The following QTMAN variants were observed in gnomAD, a reference collection of about 807,000 sequenced individuals.
QTMAN encodes the protein queuosine-tRNA mannosyltransferase.
the QTMAN span, chr2:143,941,392 A>G: frequency 6.6e-6 from 1 of 152,190 alleles, no homozygotes; most frequent in Non-Finnish European, 1.5e-5. Flanking sequence ...TAATGGCCAT[A>G]TTCCGGGCAT....
chr2:144,287,941 A>T, the QTMAN span, among the ~76,000 whole-genome samples: 1 of 152,074 alleles, frequency 6.6e-6, no homozygotes, highest in Non-Finnish European at 1.5e-5. Context: ...TGCAACCTCC[A>T]CTTACCGGGT....
the QTMAN span, among the ~76,000 whole-genome samples, chr2:144,188,295 G>C: frequency 6.6e-6 from 1 of 151,666 alleles, no homozygotes; most frequent in Non-Finnish European, 1.5e-5. Flanking sequence ...TTTAATTTAA[G>C]CTTTCACAAC....
the QTMAN span, among the ~76,000 whole-genome samples, chr2:143,961,879 T>G: frequency 6.6e-6 from 1 of 152,132 alleles, no homozygotes; most frequent in East Asian, 1.9e-4. Context: ...TTGTTACCAG[T>G]TACTTGCAGC....
the QTMAN span, among the ~76,000 whole-genome samples, chr2:144,076,453 C>T: frequency 6.6e-6 from 1 of 152,076 alleles, no homozygotes; most frequent in Non-Finnish European, 1.5e-5. Flanking sequence ...AAGCAAATGC[C>T]ACATACCTGG....
the QTMAN span, among the ~76,000 whole-genome samples, chr2:143,986,159 T>G: frequency 1.3e-5 from 2 of 152,168 alleles, no homozygotes; most frequent in African/African-American, 2.4e-5. Flanking sequence ...CAAAACAATC[T>G]CTAACAAAAC....
the QTMAN span, among the ~76,000 whole-genome samples, chr2:144,062,167 A>G: frequency 1.3e-5 from 2 of 152,218 alleles, no homozygotes; most frequent in Non-Finnish European, 2.9e-5. Flanking sequence ...GTTAGGACTA[A>G]AAGAGCACTG....
chr2:144,332,165 C>A, the QTMAN span, among the ~76,000 whole-genome samples: 340 of 64,370 alleles, frequency 5.3e-3, 1 homozygote, highest in Non-Finnish European at 7.1e-3. Flanking sequence ...TTGCAGAAGG[C>A]ACAAAATGCC....
chr2:144,217,715 G>A, the QTMAN span, among the ~76,000 whole-genome samples: 1 of 151,776 alleles, frequency 6.6e-6, no homozygotes, highest in Non-Finnish European at 1.5e-5. Context: ...CTTTTTGATA[G>A]AATAATAGGT....
the QTMAN span, among the ~76,000 whole-genome samples, chr2:143,991,495 G>C: frequency 1.4e-5 from 2 of 140,174 alleles, no homozygotes; most frequent in Admixed American, 7.1e-5. Context: ...GCCTCTGCCC[G>C]GCCACCCCTA....
chr2:143,972,339 A>G, the QTMAN span, among the ~76,000 whole-genome samples: 1 of 152,162 alleles, frequency 6.6e-6, no homozygotes. Flanking sequence ...TGATAGTATC[A>G]CCATAGGGAA....
the QTMAN span, chr2:143,942,788 C>G: frequency 6.0e-6 from 1 of 166,952 alleles, no homozygotes; most frequent in Non-Finnish European, 1.5e-5. Context: ...TCTCAAGCAA[C>G]ATTGGCAGTA....
At chr2:144,261,011 T>C in the QTMAN span, among the ~76,000 whole-genome samples, 1 of 152,132 alleles carries the variant, frequency 6.6e-6, no homozygotes, top group African/African-American at 2.4e-5. Flanking sequence ...AAAGGAACCA[T>C]ACTTCCCATT....
chr2:144,329,106 G>A, the QTMAN span, among the ~76,000 whole-genome samples: 1 of 152,020 alleles, frequency 6.6e-6, no homozygotes, highest in Admixed American at 6.6e-5. Context: ...ACCTAGGCAT[G>A]GTGGCGCATT....
the QTMAN span, among the ~76,000 whole-genome samples, chr2:144,102,533 C>T: frequency 6.6e-6 from 1 of 152,186 alleles, no homozygotes; most frequent in African/African-American, 2.4e-5. Flanking sequence ...CCAGCCCCAC[C>T]CTATCCACTA....
At chr2:143,992,342 T>A in the QTMAN span, among the ~76,000 whole-genome samples, 13 of 147,276 alleles carry the variant, frequency 8.8e-5, no homozygotes, top group East Asian at 1.4e-3. Context: ...GGCAGCATGC[T>A]CGTTAAGAGT....
At chr2:144,058,122 C>G in the QTMAN span, among the ~76,000 whole-genome samples, 1 of 130,914 alleles carries the variant, frequency 7.6e-6, no homozygotes, top group African/African-American at 3.4e-5. Flanking sequence ...CCCCCCTCCC[C>G]CACCCCGCTA....
the QTMAN span, among the ~76,000 whole-genome samples, chr2:144,134,069 C>A: frequency 6.6e-6 from 1 of 152,098 alleles, no homozygotes; most frequent in Non-Finnish European, 1.5e-5. Flanking sequence ...CTCTTGATGG[C>A]AGAAAACAAA....
chr2:144,030,461 TG>T, the QTMAN span, among the ~76,000 whole-genome samples: 2 of 152,182 alleles, frequency 1.3e-5, no homozygotes, highest in African/African-American at 4.8e-5. Flanking sequence ...CATGTCCCTT[TG>T]TTTTTTCTTC....
the QTMAN span, among the ~76,000 whole-genome samples, chr2:144,133,155 TAATA>T: frequency 2.4e-5 from 1 of 42,384 alleles, no homozygotes; most frequent in African/African-American, 1.4e-4. Context: ...ATATATAATA[TAATA>T]TAATATATAT....
Sources: gnomAD v4.1 joint callset for allele counts (sites outside exome capture counted in the v4.1 genomes callset) on GRCh38, gnomAD v4.1.1 for gene constraint, MANE v1.5 for transcripts, NCBI Gene and HGNC (gene_info 2026-07-23, HGNC 2026-07-21) for gene names.